Variants in RAPGEF4 observed in about 807,000 individuals in gnomAD.
The protein encoded by RAPGEF4 is Rap guanine nucleotide exchange factor 4.
Under a neutral mutation model 147.9 loss-of-function variants are expected in RAPGEF4, and 66 were observed. The ratio of observed to expected loss-of-function variants is 0.45; its 90% confidence interval spans 0.37 to 0.55. The LOEUF (loss-of-function observed/expected upper bound fraction) is 0.55. Among genes scored for constraint, RAPGEF4 ranks in the 20% least tolerant of loss-of-function variants. RAPGEF4 has a pLI of 0.00. For missense variants in RAPGEF4, 1,071 were observed against 1,257.3 expected (o/e 0.85, Z 2.24); for synonymous variants, 419 against 442.7 (o/e 0.95, Z 0.67).
chr2:172,788,051 A>G (rs1489180891), intron 1 of RAPGEF4, among the ~76,000 whole-genome samples: 1 of 152,178 alleles, frequency 6.6e-6, no homozygotes, highest in African/African-American at 2.4e-5. Context: ...TAACTCATAG[A>G]CAGCACCTTT....
intron 4 of RAPGEF4, among the ~76,000 whole-genome samples, chr2:172,878,545 A>G (rs548842913): frequency 1.7e-4 from 26 of 152,310 alleles, no homozygotes; most frequent in African/African-American, 5.5e-4. Context: ...ATTGTCGGGA[A>G]GAAGCTCAGG....
chr2:173,016,385 A>C lies in RAPGEF4; in HGVS notation c.1846A>C (p.Ile616Leu). 1 of 1,613,936 alleles carries C rather than the reference A, an allele frequency of 6.2e-7. No individual in the cohort carries two copies. The highest frequency in any genetic ancestry group is 8.5e-7 in the Non-Finnish European group (1 of 1,179,806). Reference protein sequence around the residue: ...YVSVSDDARMIAALKEQLPEL... With the variant: ...YVSVSDDARMLAALKEQLPEL... Reference sequence around the variant, plus strand: ...ATCTGTATCAGATGATGCCCGGATGATTGCTGCCCTCAAGGAGCAACTGCC... The same window carrying C: ...ATCTGTATCAGATGATGCCCGGATGCTTGCTGCCCTCAAGGAGCAACTGCC... Residue 616 changes from isoleucine to leucine, a missense_variant, in exon 19 of 31, where the codon ATT (isoleucine) becomes CTT (leucine). Physicochemically the swap from Ile to Leu is conservative, Grantham distance 5. Transcript: ENST00000397081.
chr2:172,768,279 G>A (rs565875411), intron 1 of RAPGEF4, among the ~76,000 whole-genome samples: 1 of 152,264 alleles, frequency 6.6e-6, no homozygotes, highest in African/African-American at 2.4e-5. Context: ...AATCATTCAT[G>A]CAAGAAATGT....
chr2:172,779,103 T>C (rs1684444234), intron 1 of RAPGEF4, among the ~76,000 whole-genome samples: 1 of 152,230 alleles, frequency 6.6e-6, no homozygotes, highest in African/African-American at 2.4e-5. Context: ...CAGCAATGTT[T>C]ATTGGGTATC....
At chr2:173,008,307 A>G (rs1174656140) in intron 17 of RAPGEF4, among the ~76,000 whole-genome samples, 1 of 152,208 alleles carries the variant, frequency 6.6e-6, no homozygotes, top group African/African-American at 2.4e-5. Context: ...AGAATGGACT[A>G]ATACATTATA....
intron 1 of RAPGEF4, among the ~76,000 whole-genome samples, chr2:172,761,297 G>A (rs911788646): frequency 6.6e-6 from 1 of 151,666 alleles, no homozygotes; most frequent in Admixed American, 6.6e-5. Flanking sequence ...GGCTAATTTT[G>A]TATTTTTAGT....
intron 10 of RAPGEF4, among the ~76,000 whole-genome samples, chr2:172,980,961 T>TA (rs1157673820): frequency 6.6e-6 from 1 of 152,182 alleles, no homozygotes; most frequent in Non-Finnish European, 1.5e-5. Context: ...ATAGCATTTT[T>TA]AAAAAAGAAA....
intron 17 of RAPGEF4, among the ~76,000 whole-genome samples, chr2:173,007,882 G>A (rs1187230210): frequency 2.0e-5 from 3 of 152,166 alleles, no homozygotes; most frequent in Admixed American, 6.5e-5. Context: ...TAAGACCTGT[G>A]TCCTATAAGC....
At chr2:172,811,407 G>A (rs1396038155) in intron 3 of RAPGEF4, among the ~76,000 whole-genome samples, 1 of 152,206 alleles carries the variant, frequency 6.6e-6, no homozygotes, top group African/African-American at 2.4e-5. Flanking sequence ...TTCCTTCACT[G>A]TTACCATTTC....
intron 1 of RAPGEF4, among the ~76,000 whole-genome samples, chr2:172,762,852 CTGAT>C (rs1050450020): frequency 7.0e-4 from 107 of 152,296 alleles, no homozygotes; most frequent in Non-Finnish European, 3.4e-4. Context: ...TGATAAAACA[CTGAT>C]TGTGGACTTG....
At chr2:172,758,319 A>G (rs993849813) in intron 1 of RAPGEF4, among the ~76,000 whole-genome samples, 2 of 152,198 alleles carry the variant, frequency 1.3e-5, no homozygotes, top group African/African-American at 4.8e-5. Flanking sequence ...GAATGAGGGC[A>G]GATCACATAG....
intron 4 of RAPGEF4, among the ~76,000 whole-genome samples, chr2:172,836,054 T>G (rs1168937172): frequency 6.6e-6 from 1 of 152,146 alleles, no homozygotes; most frequent in Non-Finnish European, 1.5e-5. Context: ...AAAAGTGAGG[T>G]AAATCTAACT....
At chr2:172,838,830 A>G (rs2149695432) in intron 4 of RAPGEF4, among the ~76,000 whole-genome samples, 1 of 147,176 alleles carries the variant, frequency 6.8e-6, no homozygotes, top group East Asian at 2.1e-4. Context: ...ATGGGAGGCA[A>G]ACTTGCATGA....
At chr2:172,805,023 T>G (rs902000129) in intron 3 of RAPGEF4, among the ~76,000 whole-genome samples, 1 of 152,208 alleles carries the variant, frequency 6.6e-6, no homozygotes, top group Non-Finnish European at 1.5e-5. Flanking sequence ...ACCCCATGGG[T>G]CTTCTCTGGG....
intron 4 of RAPGEF4, among the ~76,000 whole-genome samples, chr2:172,875,422 G>A (rs945829208): frequency 3.3e-5 from 5 of 152,056 alleles, no homozygotes; most frequent in Non-Finnish European, 5.9e-5. Flanking sequence ...ATTAATTTTT[G>A]TGTAAGGTGT....
chr2:172,736,693 G>C (rs926269048), intron 1 of RAPGEF4, among the ~76,000 whole-genome samples: 3 of 152,236 alleles, frequency 2.0e-5, no homozygotes, highest in African/African-American at 7.2e-5. Flanking sequence ...CCCGACGACA[G>C]CTCTCTCTAA....
chr2:172,919,385 A>G (rs968050413), intron 5 of RAPGEF4, among the ~76,000 whole-genome samples: 1 of 152,122 alleles, frequency 6.6e-6, no homozygotes, highest in Non-Finnish European at 1.5e-5. Flanking sequence ...TAAAGTTACC[A>G]GTGACCAACC....
chr2:172,950,214 A>G (rs1177477523), intron 6 of RAPGEF4, among the ~76,000 whole-genome samples: 3 of 152,074 alleles, frequency 2.0e-5, no homozygotes, highest in Non-Finnish European at 4.4e-5. Context: ...GCCATCCTTT[A>G]CAGAATCCAA....
chr2:173,044,932 T>C (rs1685266294), intron 29 of RAPGEF4, among the ~76,000 whole-genome samples: 1 of 152,072 alleles, frequency 6.6e-6, no homozygotes, highest in Non-Finnish European at 1.5e-5. Context: ...CGGCCTGGCG[T>C]TATAGAAAGT....
Sources: gnomAD v4.1 joint callset for allele counts (sites outside exome capture counted in the v4.1 genomes callset) on GRCh38, gnomAD v4.1.1 for gene constraint, MANE v1.5 for transcripts, NCBI Gene and HGNC (gene_info 2026-07-23, HGNC 2026-07-21) for gene names.